The following FHIT variants were observed in gnomAD, a reference collection of about 807,000 sequenced individuals.
FHIT encodes the protein fragile histidine triad diadenosine triphosphatase.
FHIT carries 19 observed loss-of-function variants against 17.9 expected under a neutral mutation model. That is an observed-to-expected ratio of 1.06 (90% confidence interval 0.74 to 1.56). The LOEUF (loss-of-function observed/expected upper bound fraction) is 1.56. FHIT is among the 40% of genes most tolerant of loss of function. FHIT has a pLI of 0.00. For missense variants in FHIT, 248 were observed against 189.2 expected (o/e 1.31, Z -1.82); for synonymous variants, 81 against 69.7 (o/e 1.16, Z -0.81).
intron 5 of FHIT, among the ~76,000 whole-genome samples, chr3:60,079,227 G>A (rs912147028): frequency 2.6e-5 from 4 of 152,230 alleles, no homozygotes; most frequent in South Asian, 2.1e-4. Flanking sequence ...GGGGGCACCC[G>A]AGGTGATGTG....
chr3:60,392,236 G>T (rs1701261056), intron 5 of FHIT, among the ~76,000 whole-genome samples: 1 of 152,116 alleles, frequency 6.6e-6, no homozygotes, highest in African/African-American at 2.4e-5. Context: ...TGAATAACAT[G>T]AATTCTGCTA....
Position 60,507,508 on chromosome 3 carries a change from A to G in FHIT, c.103+29352T>C, listed in dbSNP as rs190874695. Among the ~76,000 whole-genome samples the G allele has an allele frequency of 1.8e-3, 273 of 152,318 alleles. 3 individuals are homozygous for G. Among genetic ancestry groups the G allele is most frequent in the Middle Eastern group, 6.8e-3 (2 of 294 alleles). On this transcript the variant is annotated intron_variant, in intron 5 of 9. Coordinates refer to ENST00000492590, the MANE Select transcript of FHIT (RefSeq NM_002012.4). ...TTCATTTTGTTTTTTTACAACAACA[A>G]CAGCAGCAACAACAAAACTTGTATT... is the stretch of plus-strand genomic sequence containing the variant.
intron 2 of FHIT, among the ~76,000 whole-genome samples, chr3:61,102,061 T>C (rs567098110): frequency 6.6e-6 from 1 of 152,170 alleles, no homozygotes; most frequent in East Asian, 1.9e-4. Flanking sequence ...TATCTTGCCT[T>C]ATTGCCCTGG....
chr3:61,107,052 T>C (rs1171469988), intron 2 of FHIT, among the ~76,000 whole-genome samples: 1 of 152,190 alleles, frequency 6.6e-6, no homozygotes, highest in Non-Finnish European at 1.5e-5. Context: ...AGTCATTATG[T>C]TGTACAATAG....
intron 2 of FHIT, among the ~76,000 whole-genome samples, chr3:61,105,085 C>A (rs972036102): frequency 2.0e-5 from 3 of 152,142 alleles, no homozygotes; most frequent in Non-Finnish European, 4.4e-5. Flanking sequence ...GCCATCTCAA[C>A]CTGGTTCAGA....
At chr3:60,186,650 T>C (rs369935450) in intron 5 of FHIT, among the ~76,000 whole-genome samples, 5 of 152,266 alleles carry the variant, frequency 3.3e-5, no homozygotes, top group African/African-American at 9.6e-5. Flanking sequence ...CACTGATTAA[T>C]CCTCTGTGAG....
chr3:60,814,096 A>G (rs568159567), intron 4 of FHIT, among the ~76,000 whole-genome samples: 70 of 152,228 alleles, frequency 4.6e-4, no homozygotes, highest in African/African-American at 1.6e-3. Context: ...TTCTTTGCCC[A>G]CAAAACTTAT....
chr3:60,423,118 T>C (rs1489364355), intron 5 of FHIT, among the ~76,000 whole-genome samples: 1 of 152,132 alleles, frequency 6.6e-6, no homozygotes, highest in African/African-American at 2.4e-5. Flanking sequence ...CAGCAGCCTC[T>C]CATGGCAAAG....
At chr3:60,697,802 A>T (rs1553701018) in intron 4 of FHIT, among the ~76,000 whole-genome samples, 1 of 152,224 alleles carries the variant, frequency 6.6e-6, no homozygotes. Context: ...ACTTAAAGGA[A>T]GGCAAAGAAG....
chr3:60,689,654 G>C (rs563656890), intron 4 of FHIT, among the ~76,000 whole-genome samples: 9 of 151,936 alleles, frequency 5.9e-5, no homozygotes, highest in Middle Eastern at 3.4e-3. Flanking sequence ...AGTGGCACCT[G>C]GTATATCAAA....
chr3:61,040,946 C>G (rs1031723191), intron 3 of FHIT, among the ~76,000 whole-genome samples: 1 of 152,204 alleles, frequency 6.6e-6, no homozygotes, highest in African/African-American at 2.4e-5. Context: ...GATGGGGCTT[C>G]TTATCCTTGG....
intron 5 of FHIT, among the ~76,000 whole-genome samples, chr3:60,499,549 A>C (rs1255056396): frequency 6.6e-6 from 1 of 151,892 alleles, no homozygotes; most frequent in African/African-American, 2.4e-5. Flanking sequence ...CCGCCACCGC[A>C]CCCGGCTAAT....
intron 5 of FHIT, among the ~76,000 whole-genome samples, chr3:60,495,101 G>A (rs1289993252): frequency 6.6e-6 from 1 of 152,058 alleles, no homozygotes; most frequent in African/African-American, 2.4e-5. Flanking sequence ...AGGGTACAAG[G>A]GTTCCCTTTT....
intron 3 of FHIT, among the ~76,000 whole-genome samples, chr3:60,936,412 G>T (rs6788545): frequency 0.92 from 140,791 of 152,258 alleles, 66,093 homozygotes; most frequent in East Asian, 1. Flanking sequence ...CACAATGTGT[G>T]TTTGTTAAAG....
chr3:60,957,582 C>A (rs2107483919), intron 3 of FHIT, among the ~76,000 whole-genome samples: 1 of 152,288 alleles, frequency 6.6e-6, no homozygotes, highest in South Asian at 2.1e-4. Context: ...CACAAAAGGA[C>A]CATTTGTTAC....
Position 59,919,093 on chromosome 3 carries a change from A to C in FHIT, c.348+3253T>G, listed in dbSNP as rs187975231. Among the ~76,000 whole-genome samples, 88 of 152,014 alleles carry C rather than the reference A, an allele frequency of 5.8e-4. 1 individual carries two copies. Among genetic ancestry groups the C allele is most frequent in the South Asian group, 3.7e-3 (18 of 4,816 alleles). On this transcript the variant is annotated intron_variant, in intron 8 of 9. Coordinates refer to ENST00000492590, the MANE Select transcript of FHIT (RefSeq NM_002012.4). The stretch of plus-strand genomic sequence containing the variant: ...AACATTGCAATACTGATCACAAAAA[A>C]CCCCCCACTATTTGTTACAGAACTT...
chr3:60,965,509 G>A lies in FHIT; in HGVS notation c.-111+76538C>T, dbSNP rs144265091. Among the ~76,000 whole-genome samples, 90 of 152,288 alleles carry A rather than the reference G, an allele frequency of 5.9e-4. 1 individual carries two copies. Among genetic ancestry groups the A allele is most frequent in the Admixed American group, 3.4e-3 (52 of 15,300 alleles). The stretch of plus-strand genomic sequence containing the variant: ...AGCTAGGTTCCTTTGTAGGAGAAGA[G>A]GCACTCTGATTTTTAGAATTTTCAG... On this transcript the variant is annotated intron_variant, in intron 3 of 9. Transcript: ENST00000492590.
At chr3:60,961,862 T>C (rs536108058) in intron 3 of FHIT, among the ~76,000 whole-genome samples, 45 of 152,340 alleles carry the variant, frequency 3.0e-4, no homozygotes, top group Non-Finnish European at 5.6e-4. Context: ...TCAAGTAGCG[T>C]GATGCCTCTA....
At chr3:60,052,622 G>A (rs577121167) in intron 5 of FHIT, among the ~76,000 whole-genome samples, 2 of 151,862 alleles carry the variant, frequency 1.3e-5, no homozygotes, top group Admixed American at 1.3e-4. Flanking sequence ...TCAGAAAGTA[G>A]CAGCCAGACA....
Sources: allele counts gnomAD v4.1 joint callset (sites outside exome capture counted in the v4.1 genomes callset), GRCh38; gene constraint gnomAD v4.1.1; transcripts MANE v1.5; gene names NCBI Gene and HGNC (gene_info 2026-07-23, HGNC 2026-07-21).